FOXP1: variants seen among roughly 807,000 people sequenced by gnomAD.
The protein encoded by FOXP1 is forkhead box protein P1.
In FOXP1, 15 loss-of-function variants were observed where a neutral mutation model predicts 98.2. The observed-to-expected ratio is 0.15, with a 90% CI of 0.10 to 0.24. FOXP1 has a LOEUF of 0.24. Ranked by LOEUF, FOXP1 falls within the 10% of genes least tolerant of loss-of-function variation. The probability of loss-of-function intolerance (pLI) is 1.00; values close to 1 mark genes in which losing one functional copy is unlikely to be tolerated. For missense variants in FOXP1, 633 were observed against 848.5 expected (o/e 0.75, Z 3.15); for synonymous variants, 371 against 314.5 (o/e 1.18, Z -1.90).
At chr3:71,044,837 GACAA>G (rs781058823) in intron 10 of FOXP1, among the ~76,000 whole-genome samples, 1 of 152,178 alleles carries the variant, frequency 6.6e-6, no homozygotes, top group East Asian at 1.9e-4. Flanking sequence ...CTGGCTCAAA[GACAA>G]ACAGAGTTGA....
chr3:71,092,462 A>G (rs2055979936), intron 7 of FOXP1, among the ~76,000 whole-genome samples: 1 of 152,102 alleles, frequency 6.6e-6, no homozygotes, highest in African/African-American at 2.4e-5. Flanking sequence ...GGGACCCTAA[A>G]ATCAGTATCA....
intron 4 of FOXP1, among the ~76,000 whole-genome samples, chr3:71,306,292 C>CG (rs2107597231): frequency 1.3e-5 from 2 of 152,132 alleles, no homozygotes; most frequent in Non-Finnish European, 2.9e-5. Context: ...TAAGAACTCA[C>CG]TCGTGGGGCG....
At chr3:71,496,961 A>AGTGTGTGTGTGTGTGT (rs148821144) in intron 2 of FOXP1, among the ~76,000 whole-genome samples, 29,240 of 149,116 alleles carry the variant, frequency 0.2, 3,110 homozygotes, top group Non-Finnish European at 0.25. Context: ...GGTGTGTGGA[A>AGTGTGTGTGTGTGTGT]GTGTGTGTGT....
intron 14 of FOXP1, among the ~76,000 whole-genome samples, chr3:70,981,186 T>C (rs1167741226): frequency 1.0e-5 from 1 of 96,916 alleles, no homozygotes; most frequent in Non-Finnish European, 1.8e-5. Flanking sequence ...TAGGACTCTT[T>C]CTACCAAAAA....
chr3:71,002,211 CTTGT>C (rs1185798567), intron 12 of FOXP1, among the ~76,000 whole-genome samples: 1 of 152,204 alleles, frequency 6.6e-6, no homozygotes, highest in Non-Finnish European at 1.5e-5. Flanking sequence ...TGCATCCCCT[CTTGT>C]TTAACAGCCC....
chr3:71,583,861 C>T (rs1038842197), upstream of FOXP1: 8 of 985,674 alleles, frequency 8.1e-6, no homozygotes, highest in African/African-American at 1.8e-5. Flanking sequence ...GGGCGCACCC[C>T]GGCCCGACCC....
At chr3:71,252,885 G>A (rs2068318643) in intron 5 of FOXP1, among the ~76,000 whole-genome samples, 1 of 152,192 alleles carries the variant, frequency 6.6e-6, no homozygotes, top group Admixed American at 6.5e-5. Flanking sequence ...CAGGGCATAG[G>A]TTACACACAG....
chr3:71,562,271 C>T (rs528369444), intron 2 of FOXP1, among the ~76,000 whole-genome samples: 2 of 152,352 alleles, frequency 1.3e-5, no homozygotes, highest in East Asian at 3.9e-4. Flanking sequence ...TGTTCTAGGC[C>T]TTCTGCCCTG....
intron 14 of FOXP1, among the ~76,000 whole-genome samples, chr3:70,981,876 C>T (rs2038929534): frequency 6.6e-6 from 1 of 152,106 alleles, no homozygotes; most frequent in South Asian, 2.1e-4. Context: ...ATGACTAGCC[C>T]GTGAGGGAAG....
At chr3:71,417,353 G>T (rs1394250818) in intron 3 of FOXP1, among the ~76,000 whole-genome samples, 1 of 152,146 alleles carries the variant, frequency 6.6e-6, no homozygotes, top group Non-Finnish European at 1.5e-5. Flanking sequence ...AATTATCTCT[G>T]TATTTGAGCT....
At chr3:71,006,239 T>A (rs2042793150) in intron 12 of FOXP1, among the ~76,000 whole-genome samples, 1 of 152,122 alleles carries the variant, frequency 6.6e-6, no homozygotes, top group Non-Finnish European at 1.5e-5. Context: ...ACAACTAACT[T>A]AATCTCTCAA....
intron 3 of FOXP1, among the ~76,000 whole-genome samples, chr3:71,397,750 T>A (rs2081639162): frequency 6.6e-6 from 1 of 152,234 alleles, no homozygotes; most frequent in Admixed American, 6.5e-5. Flanking sequence ...TAGAAACCTT[T>A]GAAGTCTTCA....
At chr3:71,248,840 C>G (rs1003395074) in intron 5 of FOXP1, among the ~76,000 whole-genome samples, 1 of 152,164 alleles carries the variant, frequency 6.6e-6, no homozygotes, top group Non-Finnish European at 1.5e-5. Context: ...ATGGACCAAC[C>G]TATGAGATTA....
At chr3:71,038,194 A>G (rs2047862737) in intron 11 of FOXP1, among the ~76,000 whole-genome samples, 1 of 152,208 alleles carries the variant, frequency 6.6e-6, no homozygotes. Flanking sequence ...ATCATTAGCC[A>G]TCTCACTACT....
intron 5 of FOXP1, among the ~76,000 whole-genome samples, chr3:71,290,485 T>C (rs1386747561): frequency 6.6e-6 from 1 of 152,206 alleles, no homozygotes; most frequent in Admixed American, 6.5e-5. Flanking sequence ...ACTGGGATTA[T>C]TCTAGTGGCC....
At chr3:71,190,258 T>C (rs1285091788) in intron 6 of FOXP1, among the ~76,000 whole-genome samples, 1 of 152,112 alleles carries the variant, frequency 6.6e-6, no homozygotes, top group African/African-American at 2.4e-5. Context: ...TCCTAGCACC[T>C]AACATATCAG....
intron 5 of FOXP1, among the ~76,000 whole-genome samples, chr3:71,225,707 C>T (rs2065781179): frequency 1.3e-5 from 2 of 152,226 alleles, no homozygotes; most frequent in African/African-American, 4.8e-5. Context: ...TTCTAGTTCT[C>T]TGCCCACTTG....
At chr3:71,125,282 G>A (rs2059084847) in intron 6 of FOXP1, among the ~76,000 whole-genome samples, 1 of 152,084 alleles carries the variant, frequency 6.6e-6, no homozygotes, top group Admixed American at 6.6e-5. Context: ...ATGTGGTCAA[G>A]GTCACGCAGC....
chr3:71,094,384 A>G (rs958513672), intron 7 of FOXP1, among the ~76,000 whole-genome samples: 1 of 146,916 alleles, frequency 6.8e-6, no homozygotes, highest in African/African-American at 2.5e-5. Context: ...GGTTCACACC[A>G]TTCTCCTGCC....
Sources: gnomAD v4.1 joint callset for allele counts (sites outside exome capture counted in the v4.1 genomes callset) on GRCh38, gnomAD v4.1.1 for gene constraint, MANE v1.5 for transcripts, NCBI Gene and HGNC (gene_info 2026-07-23, HGNC 2026-07-21) for gene names.